The following TFEC variants were observed in gnomAD, a reference collection of about 807,000 sequenced individuals.
TFEC encodes class E basic helix-loop-helix protein 34.
TFEC carries 31 observed loss-of-function variants against 41.6 expected under a neutral mutation model. The ratio of observed to expected loss-of-function variants is 0.74; its 90% confidence interval spans 0.56 to 1.01. The LOEUF (loss-of-function observed/expected upper bound fraction) is 1.01. TFEC is among the 50% of genes least tolerant of loss of function. The pLI is 0.00. For synonymous variants in TFEC, 143 were observed against 140.6 expected, an observed-to-expected ratio of 1.02 and a Z score of -0.12; for missense variants, 402 against 404.1, an observed-to-expected ratio of 0.99 and a Z score of 0.04.
At chr7:116,081,984 T>G (rs1419597471) in intron 3 of TFEC, among the ~76,000 whole-genome samples, 1 of 151,932 alleles carries the variant, frequency 6.6e-6, no homozygotes, top group African/African-American at 2.4e-5. Flanking sequence ...AGTGGATCCT[T>G]TCTTCTGCTC....
intron 1 of TFEC, among the ~76,000 whole-genome samples, chr7:116,007,677 G>A (rs1794851004): frequency 6.6e-6 from 1 of 152,098 alleles, no homozygotes; most frequent in Middle Eastern, 3.2e-3. Context: ...ACAGCATATT[G>A]TATAAGAAAT....
intron 1 of TFEC, among the ~76,000 whole-genome samples, chr7:116,007,745 T>C (rs1482293091): frequency 6.6e-6 from 1 of 152,314 alleles, no homozygotes; most frequent in African/African-American, 2.4e-5. Context: ...ATCAACCCCA[T>C]GATTCTCTAT....
At chr7:116,095,386 A>T (rs1797427394) in intron 3 of TFEC, among the ~76,000 whole-genome samples, 1 of 152,226 alleles carries the variant, frequency 6.6e-6, no homozygotes, top group Non-Finnish European at 1.5e-5. Context: ...ACATTGTAGC[A>T]AATGTGCTAG....
chr7:115,959,741 A>G (rs1450203151), intron 3 of TFEC, among the ~76,000 whole-genome samples: 1 of 151,744 alleles, frequency 6.6e-6, no homozygotes, highest in East Asian at 1.9e-4. Flanking sequence ...TGGAAACAAT[A>G]AAAAAGGAAT....
At chr7:116,100,002 A>T (rs751801046) in intron 3 of TFEC, among the ~76,000 whole-genome samples, 1 of 152,186 alleles carries the variant, frequency 6.6e-6, no homozygotes, top group African/African-American at 2.4e-5. Context: ...AACAGCATCA[A>T]TGTAGATGGT....
chr7:116,155,469 A>G (rs560186293), intron 1 of TFEC, among the ~76,000 whole-genome samples: 1 of 152,178 alleles, frequency 6.6e-6, no homozygotes, highest in Non-Finnish European at 1.5e-5. Flanking sequence ...TCTACCTCAG[A>G]TGGCTAACTC....
intron 1 of TFEC, among the ~76,000 whole-genome samples, chr7:116,012,691 A>T (rs1368966214): frequency 6.6e-6 from 1 of 152,084 alleles, no homozygotes; most frequent in Non-Finnish European, 1.5e-5. Context: ...AATGCTGGAT[A>T]TGGAATATCA....
At chr7:116,102,314 A>G (rs1797622733) in intron 3 of TFEC, among the ~76,000 whole-genome samples, 1 of 152,226 alleles carries the variant, frequency 6.6e-6, no homozygotes, top group Non-Finnish European at 1.5e-5. Flanking sequence ...TTTCTGAAAG[A>G]GAATGAGAAG....
chr7:116,103,513 C>T (rs1006387967), intron 3 of TFEC, among the ~76,000 whole-genome samples: 1 of 152,104 alleles, frequency 6.6e-6, no homozygotes, highest in African/African-American at 2.4e-5. Context: ...ATAACCAAGA[C>T]ATGACATTTC....
At chr7:116,105,085 T>C (rs1454095153) in intron 3 of TFEC, among the ~76,000 whole-genome samples, 1 of 152,046 alleles carries the variant, frequency 6.6e-6, no homozygotes, top group Non-Finnish European at 1.5e-5. Context: ...TCCAGTCCTA[T>C]GGCCCCAGAG....
intron 1 of TFEC, among the ~76,000 whole-genome samples, chr7:116,134,089 AC>A (rs1034045007): frequency 6.6e-5 from 10 of 152,212 alleles, no homozygotes. Flanking sequence ...GAAAAATTCT[AC>A]ATGCTAAGGA....
rs553209977 is a variant in TFEC, at chr7:116,053,667, C to T, written c.198+57041G>A. 2.0e-5 allele frequency among the ~76,000 whole-genome samples: 3 copies of T among 152,222 alleles called. No homozygotes were observed. In the South Asian group the frequency reaches 6.2e-4, roughly 32 times the overall value. ...GCTTTTTAAGAACAGAAAGAGAGAC[C>T]TAAGATAGCACATTTGCATGCTCAG... On this transcript the variant is annotated intron_variant, in intron 3 of 8. Coordinates refer to the TFEC transcript ENST00000484212.
At chr7:116,050,813 C>T (rs1387086326) in intron 3 of TFEC, among the ~76,000 whole-genome samples, 1 of 152,168 alleles carries the variant, frequency 6.6e-6, no homozygotes, top group African/African-American at 2.4e-5. Context: ...ACCCAAAGGA[C>T]TATAAATCAT....
At chr7:116,057,777 T>C (rs1343281937) in intron 3 of TFEC, among the ~76,000 whole-genome samples, 2 of 151,774 alleles carry the variant, frequency 1.3e-5, no homozygotes, top group African/African-American at 2.4e-5. Context: ...AAGTACACAA[T>C]TGCAAGTTCT....
At chr7:116,148,186 G>C (rs952099799) in intron 1 of TFEC, among the ~76,000 whole-genome samples, 3 of 152,170 alleles carry the variant, frequency 2.0e-5, no homozygotes, top group Non-Finnish European at 2.9e-5. Flanking sequence ...CCAGAAACAG[G>C]AGGCCAATGT....
intron 3 of TFEC, among the ~76,000 whole-genome samples, chr7:116,081,507 T>C (rs756872985): frequency 4.6e-5 from 7 of 152,040 alleles, no homozygotes; most frequent in Non-Finnish European, 7.4e-5. Flanking sequence ...CTGCCCTGCC[T>C]TAGTTAAGTA....
intron 1 of TFEC, among the ~76,000 whole-genome samples, chr7:116,141,340 G>T (rs1230416235): frequency 6.6e-6 from 1 of 152,060 alleles, no homozygotes; most frequent in Non-Finnish European, 1.5e-5. Context: ...TCTTTATGGG[G>T]ATTTTTCTAA....
chr7:116,069,244 T>C (rs1242663285), intron 3 of TFEC, among the ~76,000 whole-genome samples: 1 of 151,542 alleles, frequency 6.6e-6, no homozygotes, highest in Non-Finnish European at 1.5e-5. Context: ...AACAATATGA[T>C]GTATTTTGAA....
rs1423876172 is a variant in TFEC at position 115,937,745 on chromosome 7, A to C, written c.*2806T>G. On this transcript the variant is annotated 3_prime_UTR_variant, in exon 8 of 8. Coordinates refer to ENST00000265440, the MANE Select transcript of TFEC (RefSeq NM_012252.4). ...GATAAGTAAGGGTCCCCCCATTGTT[A>C]TACATGACATTAACCGCACACCTAA... is the stretch of plus-strand genomic sequence containing the variant. 4.6e-5 allele frequency: 7 copies of C among 151,780 alleles called. No homozygotes were observed. Among genetic ancestry groups the C allele is most frequent in the Non-Finnish European group, 1.0e-4 (7 of 67,786 alleles). The allele number at this position is 151,780 out of a possible 1,614,324, so 9.4% of individuals were successfully genotyped here. A position where few individuals can be genotyped will look rare whatever the true frequency, so the allele number is the denominator to read the frequency against.
Sources: allele counts gnomAD v4.1 joint callset (sites outside exome capture counted in the v4.1 genomes callset), GRCh38; gene constraint gnomAD v4.1.1; transcripts MANE v1.5; gene names NCBI Gene and HGNC (gene_info 2026-07-23, HGNC 2026-07-21).